CNTN5: variants seen among roughly 807,000 people sequenced by gnomAD.
CNTN5 encodes contactin 5.
Under a neutral mutation model 129.1 loss-of-function variants are expected in CNTN5, and 77 were observed. The observed-to-expected ratio is 0.60, with a 90% CI of 0.50 to 0.72. The LOEUF (loss-of-function observed/expected upper bound fraction) is 0.72. Among genes scored for constraint, CNTN5 ranks in the 30% least tolerant of loss-of-function variants. The pLI, the probability that CNTN5 is intolerant of heterozygous loss-of-function variation, is 0.00. For synonymous variants in CNTN5, 509 were observed against 465.6 expected (o/e 1.09, Z -1.20); for missense variants, 1,478 against 1,328.8 (o/e 1.11, Z -1.75).
intron 1 of CNTN5, among the ~76,000 whole-genome samples, chr11:99,046,458 G>T (rs1333245246): frequency 1.3e-5 from 2 of 152,068 alleles, no homozygotes; most frequent in Admixed American, 6.6e-5. Flanking sequence ...AATAAAACTT[G>T]TCTGCAGTCC....
chr11:100,324,222 G>A (rs751856718), intron 21 of CNTN5, among the ~76,000 whole-genome samples: 5 of 152,184 alleles, frequency 3.3e-5, no homozygotes, highest in South Asian at 2.1e-4. Flanking sequence ...AAAGGGCAGC[G>A]GTGGGAAGGG....
chr11:100,202,339 T>G (rs1376127210), intron 15 of CNTN5, among the ~76,000 whole-genome samples: 1 of 151,808 alleles, frequency 6.6e-6, no homozygotes, highest in African/African-American at 2.4e-5. Context: ...ATTTTAGAAT[T>G]TGTGAGTCAA....
Position 99,982,149 on chromosome 11 carries a change from T to C in CNTN5, c.878-19885T>C, listed in dbSNP as rs113006908. ...GCTGATAACTTCAGTGAATGACTAA[T>C]GAACTTCAAACGAATGACTAAAGCT... On this transcript the variant is annotated intron_variant, in intron 8 of 24. Coordinates refer to ENST00000524871, the MANE Select transcript of CNTN5 (RefSeq NM_014361.4). Among the ~76,000 whole-genome samples, 295 of 152,314 alleles carry C rather than the reference T, an allele frequency of 1.9e-3. 4 individuals carry two copies. Among genetic ancestry groups the C allele is most frequent in the African/African-American group, 6.4e-3 (265 of 41,576 alleles).
At chr11:99,201,346 T>A (rs796439709) in intron 1 of CNTN5, among the ~76,000 whole-genome samples, 2 of 113,230 alleles carry the variant, frequency 1.8e-5, no homozygotes, top group African/African-American at 7.0e-5. Flanking sequence ...CCTTCCTTCC[T>A]TTCCTTTCCT....
At chr11:99,756,821 ATTAT>A (rs1393490617) in intron 3 of CNTN5, among the ~76,000 whole-genome samples, 2 of 152,036 alleles carry the variant, frequency 1.3e-5, no homozygotes, top group African/African-American at 4.8e-5. Context: ...GAGATTTGGA[ATTAT>A]TTAAGCCATG....
chr11:99,696,128 T>G, intron 3 of CNTN5, among the ~76,000 whole-genome samples: 1 of 152,132 alleles, frequency 6.6e-6, no homozygotes, highest in Non-Finnish European at 1.5e-5. Flanking sequence ...AAAAGAGGGC[T>G]GACCTGAATC....
chr11:99,812,956 T>C (rs889783576), intron 3 of CNTN5, among the ~76,000 whole-genome samples: 22 of 151,932 alleles, frequency 1.4e-4, no homozygotes, highest in Non-Finnish European at 1.5e-5. Flanking sequence ...TTTAGAATAA[T>C]TTTGTTTGTT....
Position 100,266,407 on chromosome 11 carries a change from G to C in CNTN5, c.2165-4685G>C, listed in dbSNP as rs546010818. 2.1e-3 allele frequency among the ~76,000 whole-genome samples: 321 copies of C among 152,096 alleles called. 3 individuals are homozygous for C. Among genetic ancestry groups the C allele is most frequent in the African/African-American group, 7.6e-3 (316 of 41,518 alleles). On this transcript the variant is annotated intron_variant, in intron 17 of 24. Coordinates refer to ENST00000524871, the MANE Select transcript of CNTN5 (RefSeq NM_014361.4). ...TCTGGAAATAATAACTTTATAAAAA[G>C]ATGCTGCAAGACTTTTAAAATACTT...
chr11:99,286,937 C>A (rs1863964605), intron 1 of CNTN5, among the ~76,000 whole-genome samples: 2 of 152,090 alleles, frequency 1.3e-5, no homozygotes, highest in African/African-American at 2.4e-5. Flanking sequence ...TTTTCTAAAA[C>A]CTGTACTAAG....
At chr11:99,096,040 G>C (rs1346476510) in intron 1 of CNTN5, among the ~76,000 whole-genome samples, 1 of 151,702 alleles carries the variant, frequency 6.6e-6, no homozygotes, top group Non-Finnish European at 1.5e-5. Context: ...TTACATGAAT[G>C]GTTCAACATA....
chr11:99,086,198 C>G (rs1330370007), intron 1 of CNTN5, among the ~76,000 whole-genome samples: 1 of 152,190 alleles, frequency 6.6e-6, no homozygotes, highest in East Asian at 1.9e-4. Flanking sequence ...GGAGCCTCTC[C>G]CAGCAGCTCC....
At chr11:100,011,926 T>C (rs1043347971) in intron 9 of CNTN5, among the ~76,000 whole-genome samples, 10 of 152,284 alleles carry the variant, frequency 6.6e-5, no homozygotes, top group Non-Finnish European at 1.2e-4. Flanking sequence ...CTGGCAAACG[T>C]TCCTGGAAGA....
chr11:99,993,458 A>T lies in CNTN5; in HGVS notation c.878-8576A>T, dbSNP rs149275078. 3.2e-4 allele frequency among the ~76,000 whole-genome samples: 48 copies of T among 152,262 alleles called. No individual in the cohort carries two copies. The Middle Eastern group carries it at 0.01, about 32-fold the overall frequency. Reference sequence around the variant, plus strand: ...CATTTTGGCACCAGGGATCAACTTCATGGAGGACAATTTTTTCACAGACAC... The same window carrying T: ...CATTTTGGCACCAGGGATCAACTTCTTGGAGGACAATTTTTTCACAGACAC... On this transcript the variant is annotated intron_variant, in intron 8 of 24. Coordinates refer to ENST00000524871, the MANE Select transcript of CNTN5 (RefSeq NM_014361.4).
At chr11:99,767,940 C>T (rs146388854) in intron 3 of CNTN5, among the ~76,000 whole-genome samples, 1 of 152,028 alleles carries the variant, frequency 6.6e-6, no homozygotes, top group Non-Finnish European at 1.5e-5. Flanking sequence ...TCACGTAGCT[C>T]AGGGATCTTC....
At chr11:99,516,776 T>G (rs1430943439) in intron 2 of CNTN5, among the ~76,000 whole-genome samples, 1 of 152,180 alleles carries the variant, frequency 6.6e-6, no homozygotes, top group Non-Finnish European at 1.5e-5. Context: ...CACTATCATG[T>G]GTAAAAATGT....
chr11:99,822,239 G>A (rs995292436), intron 4 of CNTN5, among the ~76,000 whole-genome samples: 1 of 152,104 alleles, frequency 6.6e-6, no homozygotes, highest in Non-Finnish European at 1.5e-5. Context: ...AGCAATTTGG[G>A]GAAGCAATTC....
chr11:99,237,643 C>T (rs554544372), intron 1 of CNTN5, among the ~76,000 whole-genome samples: 2 of 151,436 alleles, frequency 1.3e-5, no homozygotes, highest in Admixed American at 6.6e-5. Context: ...ATCGTGCCAC[C>T]GCACCCCAGC....
intron 7 of CNTN5, among the ~76,000 whole-genome samples, chr11:99,924,194 A>C (rs936903445): frequency 2.0e-5 from 3 of 152,188 alleles, no homozygotes; most frequent in Non-Finnish European, 2.9e-5. Flanking sequence ...AGTGATGCTG[A>C]ACATTTTTAC....
chr11:100,308,476 C>G lies in CNTN5; in HGVS notation c.2730+8C>G, dbSNP rs760841039. The G allele has an allele frequency of 1.2e-6, 2 of 1,607,292 alleles. No homozygotes were observed. The highest frequency in any genetic ancestry group is 2.2e-5 in the South Asian group (2 of 90,314). On this transcript the variant is annotated splice_region_variant and intron_variant, in intron 21 of 24. Transcript: ENST00000524871. ...AGACCACAGGGATTTGAGGTATGAA[C>G]AGAATGATTGAAAATAAGCCTTATT...
Sources: gnomAD v4.1 joint callset for allele counts (sites outside exome capture counted in the v4.1 genomes callset) on GRCh38, gnomAD v4.1.1 for gene constraint, MANE v1.5 for transcripts, NCBI Gene and HGNC (gene_info 2026-07-23, HGNC 2026-07-21) for gene names.